The following ASH1L variants were observed in gnomAD, a reference collection of about 807,000 sequenced individuals.
The protein encoded by ASH1L is ASH1 like histone lysine methyltransferase.
Under a neutral mutation model 269.0 loss-of-function variants are expected in ASH1L, and 23 were observed. The observed-to-expected ratio is 0.09, with a 90% confidence interval of 0.06 to 0.12. The LOEUF is 0.12. ASH1L is among the 10% of genes least tolerant of loss of function. ASH1L has a pLI of 1.00. For missense variants in ASH1L, 2,912 were observed against 3,567.8 expected (o/e 0.82, Z 4.68); for synonymous variants, 1,187 against 1,253.5 (o/e 0.95, Z 1.12).
At chr1:155,365,217 T>C (rs1398861128) in intron 12 of ASH1L, among the ~76,000 whole-genome samples, 5 of 152,094 alleles carry the variant, frequency 3.3e-5, no homozygotes, top group African/African-American at 9.7e-5. Flanking sequence ...AGCTTTGTTT[T>C]TTTTTGAGAT....
At chr1:155,448,566 G>A (rs1663208428) in intron 4 of ASH1L, among the ~76,000 whole-genome samples, 1 of 151,868 alleles carries the variant, frequency 6.6e-6, no homozygotes, top group South Asian at 2.1e-4. Flanking sequence ...TGCGATCTCA[G>A]CTCACTGCAA....
At chr1:155,428,784 C>T (rs1006411905) in intron 5 of ASH1L, among the ~76,000 whole-genome samples, 1 of 152,184 alleles carries the variant, frequency 6.6e-6, no homozygotes. Flanking sequence ...TAGTTAATCC[C>T]GTTTCCCATA....
Position 155,478,233 on chromosome 1 carries a change from G to A in ASH1L, c.4637C>T (p.Ser1546Leu), listed in dbSNP as rs1665707767. ...TTCCTCTCTGTTTATTAAGCTTTTT[G>A]AAGGAGAGAGATGAGGGCAGGACAT... ...CHMSCPHLSP[S>L]KSLINREEQW... The change falls in exon 3 of 28, where the codon TCA becomes TTA. Residue 1546 changes from serine (S) to leucine (L), a missense_variant. By Grantham distance (145) the Ser-to-Leu change is moderately radical. Around this residue, in one of 13 missense-constraint regions of ASH1L, gnomAD observed 789 missense variants for 897.6 expected, o/e 0.88. Coordinates refer to ENST00000392403, the MANE Select transcript of ASH1L (RefSeq NM_018489.3). This position sits in a 1 kb window ranked among gnomAD's most constrained non-coding sequence, Gnocchi z 4.6. 6.2e-7 allele frequency: 1 copy of A among 1,613,998 alleles called. No homozygotes were observed.
chr1:155,519,072 T>C (rs1480909471), intron 2 of ASH1L, among the ~76,000 whole-genome samples: 2 of 152,198 alleles, frequency 1.3e-5, no homozygotes, highest in Non-Finnish European at 2.9e-5. Flanking sequence ...CAACATTCAC[T>C]GTAGCATTAC....
intron 1 of ASH1L, among the ~76,000 whole-genome samples, chr1:155,555,496 CAA>C (rs57151613): frequency 0.013 from 708 of 55,046 alleles, 3 homozygotes; most frequent in African/African-American, 0.043. Context: ...GACTCTGTCT[CAA>C]AAAAAAAAAA....
intron 20 of ASH1L, among the ~76,000 whole-genome samples, chr1:155,346,713 A>T (rs1257536561): frequency 6.6e-6 from 1 of 152,196 alleles, no homozygotes; most frequent in Non-Finnish European, 1.5e-5. Flanking sequence ...AAATGGGGAG[A>T]TGGACAGAGA....
chr1:155,519,988 A>T (rs923815309), intron 2 of ASH1L, among the ~76,000 whole-genome samples: 3 of 152,132 alleles, frequency 2.0e-5, no homozygotes, highest in African/African-American at 7.2e-5. Context: ...GTCGCTGCAG[A>T]CAGAAGAAAT....
rs1657344922 is a variant in ASH1L, at chr1:155,385,401, G to A, written c.6104-5285C>T. ...AGAGGCTACGGTGGGCAGAGATTGTGCCACTGCACTCCAGACTGGGCAACA... is the reference window on the plus strand; with the variant it reads ...AGAGGCTACGGTGGGCAGAGATTGTACCACTGCACTCCAGACTGGGCAACA... On this transcript the variant is annotated intron_variant, in intron 7 of 27. Coordinates refer to ENST00000392403, the MANE Select transcript of ASH1L (RefSeq NM_018489.3). Among the ~76,000 whole-genome samples, 2 of 152,168 alleles carry A rather than the reference G, an allele frequency of 1.3e-5. 1 individual carries two copies. The highest frequency in any genetic ancestry group is 4.1e-4 in the South Asian group (2 of 4,830).
chr1:155,414,008 TCAA>T (rs1660012641), intron 6 of ASH1L, among the ~76,000 whole-genome samples: 1 of 152,132 alleles, frequency 6.6e-6, no homozygotes, highest in Admixed American at 6.6e-5. Flanking sequence ...CAGTGACAAA[TCAA>T]TAAAAATCTT....
chr1:155,353,718 C>T (rs910029301), intron 16 of ASH1L, among the ~76,000 whole-genome samples: 4 of 151,992 alleles, frequency 2.6e-5, no homozygotes, highest in African/African-American at 9.7e-5. Flanking sequence ...AATGACCCGT[C>T]CCCCACTGAA....
chr1:155,472,275 G>A (rs1205808205), intron 3 of ASH1L, among the ~76,000 whole-genome samples: 2 of 152,176 alleles, frequency 1.3e-5, no homozygotes, highest in African/African-American at 4.8e-5. Context: ...GGATGACAGA[G>A]AGAGACTCCA....
intron 17 of ASH1L, 21 bp from the exon 18 acceptor site, chr1:155,349,617 T>C: frequency 1.2e-6 from 2 of 1,611,914 alleles, no homozygotes; most frequent in Non-Finnish European, 1.7e-6. Flanking sequence ...ATGTGAGGTT[T>C]AGTAGAAAGA....
chr1:155,426,491 G>A (rs530411360), intron 5 of ASH1L, among the ~76,000 whole-genome samples: 56 of 152,136 alleles, frequency 3.7e-4, no homozygotes, highest in Admixed American at 1.6e-3. Flanking sequence ...GTGAGACACC[G>A]CGCCTGGCCC....
chr1:155,351,723 G>A (rs1199053725), intron 17 of ASH1L, among the ~76,000 whole-genome samples: 1 of 151,376 alleles, frequency 6.6e-6, no homozygotes, highest in Non-Finnish European at 1.5e-5. Flanking sequence ...GGTGGTGTGC[G>A]CCTGTAGTCC....
Position 155,546,170 on chromosome 1 carries a change from A to AC in ASH1L, c.-100+15982_-100+15983insG, listed in dbSNP as rs1407294347. Among the ~76,000 whole-genome samples, 17 of 151,056 alleles carry AC rather than the reference A, an allele frequency of 1.1e-4. No individual in the cohort carries two copies. The South Asian group carries it at 2.3e-3, about 20-fold the overall frequency. ...GAGATTCCATCACCAAAAAAAAAAA[A>AC]AAAAACAAAAATTAGCCAGGTGTGG... is the stretch of plus-strand genomic sequence containing the variant. On this transcript the variant is annotated intron_variant, in intron 1 of 27. Coordinates refer to ENST00000392403, the MANE Select transcript of ASH1L (RefSeq NM_018489.3).
At chr1:155,558,885 G>A (rs188258524) in intron 1 of ASH1L, among the ~76,000 whole-genome samples, 1 of 144,980 alleles carries the variant, frequency 6.9e-6, no homozygotes, top group African/African-American at 2.6e-5. Flanking sequence ...TCACTCTGTC[G>A]TCCAGGCTGG....
chr1:155,479,957 G>A lies in ASH1L; in HGVS notation c.2913C>T (p.Thr971=), dbSNP rs1009574971. 3.7e-6 allele frequency: 6 copies of A among 1,613,168 alleles called. No individual in the cohort carries two copies. In the African/African-American group the frequency reaches 5.3e-5, roughly 14 times the overall value. Residue 971 remains threonine, a synonymous_variant, in exon 3 of 28, where the codon ACC becomes ACT. Coordinates refer to ENST00000392403, the MANE Select transcript of ASH1L (RefSeq NM_018489.3). Reference sequence around the variant, plus strand: ...TCATTAATTGTCCATTGTTTCTCTTGGTAATTTTTTTATCTGGTTCCATCT... The same window carrying A: ...TCATTAATTGTCCATTGTTTCTCTTAGTAATTTTTTTATCTGGTTCCATCT... ...DLEMEPDKKI[T]KRNNGQLMKT... is the part of the protein sequence containing the mutation.
rs763767783 is a variant in ASH1L, at chr1:155,438,824, A to G, written c.5331T>C (p.Asn1777=). The change falls in exon 5 of 28, where the codon AAT becomes AAC. Residue 1777 remains asparagine, a synonymous_variant. Coordinates refer to ENST00000392403, the MANE Select transcript of ASH1L (RefSeq NM_018489.3). ...VPAVTSDSCN[N]SISLLSEKLT... ...ACTTTTCAGATAGGAGTGAGATGCT[A>G]TTATTGCAAGAGTCACTTGTGACTG... 1 of 1,614,190 alleles carries G rather than the reference A, an allele frequency of 6.2e-7. No homozygotes were observed. Among genetic ancestry groups the G allele is most frequent in the South Asian group, 1.1e-5 (1 of 91,082 alleles).
Position 155,562,466 on chromosome 1 carries a change from G to T in ASH1L, c.-413C>A. Reference sequence around the variant, plus strand: ...GCGGCAGCAGCAGAGTGGCGGCGGTGGCGGCGGCAGCTCCTCCAGAGGGAG... The same window carrying T: ...GCGGCAGCAGCAGAGTGGCGGCGGTTGCGGCGGCAGCTCCTCCAGAGGGAG... On this transcript the variant is annotated 5_prime_UTR_variant, in exon 1 of 28. Transcript: ENST00000392403. 1 of 1,460,980 alleles carries T rather than the reference G, an allele frequency of 6.8e-7. No individual in the cohort carries two copies. The highest frequency in any genetic ancestry group is 9.3e-7 in the Non-Finnish European group (1 of 1,077,604). 90.5% of individuals were successfully genotyped at this position (1,460,980 alleles called of 1,614,324 possible).
Sources: gnomAD v4.1 joint callset for allele counts (sites outside exome capture counted in the v4.1 genomes callset) on GRCh38, gnomAD v4.1.1 for gene constraint, gnomAD v4.1.1 regional missense constraint, Gnocchi (gnomAD v3.1) non-coding constraint, MANE v1.5 for transcripts, NCBI Gene and HGNC (gene_info 2026-07-23, HGNC 2026-07-21) for gene names.